The following SPINDOC variants were observed in gnomAD, a reference collection of about 807,000 sequenced individuals.
SPINDOC encodes spindlin interactor and repressor of chromatin binding.
SPINDOC carries 13 observed loss-of-function variants against 30.7 expected under a neutral mutation model. That is an observed-to-expected ratio of 0.42 (90% CI 0.28 to 0.67). The LOEUF (loss-of-function observed/expected upper bound fraction) is 0.67, where lower values mean the gene tolerates loss of function less well. Among genes scored for constraint, SPINDOC ranks in the 30% least tolerant of loss-of-function variants. The pLI is 0.22. For synonymous variants in SPINDOC, 228 were observed against 211.4 expected (o/e 1.08, Z -0.68); for missense variants, 438 against 518.0 (o/e 0.85, Z 1.50).
intron 1 of SPINDOC, among the ~76,000 whole-genome samples, chr11:63,815,109 T>C (rs1341508156): frequency 6.6e-6 from 1 of 152,208 alleles, no homozygotes; most frequent in East Asian, 1.9e-4. Context: ...TGGCAATAAA[T>C]GGTTCAGAGA....
intron 5 of SPINDOC, among the ~76,000 whole-genome samples, chr11:63,822,080 A>G (rs1322020913): frequency 2.6e-5 from 4 of 152,124 alleles, no homozygotes; most frequent in Non-Finnish European, 5.9e-5. Context: ...TGGCTCACAG[A>G]CCTGTCATTC....
At chr11:63,822,162 A>C (rs878894925) in intron 5 of SPINDOC, among the ~76,000 whole-genome samples, 2 of 152,048 alleles carry the variant, frequency 1.3e-5, no homozygotes, top group Non-Finnish European at 2.9e-5. Context: ...GAGCAACATA[A>C]GGAGACTCCA....
In SPINDOC at chr11:63,818,537, C is replaced by T. The variant is rs1011126300; in HGVS notation, c.618C>T (p.Ala206=). Residue 206 remains alanine, a synonymous_variant, in exon 4 of 6, where the codon GCC becomes GCT. Coordinates refer to ENST00000294244, the MANE Select transcript of SPINDOC (RefSeq NM_138471.3). This position sits in a 1 kb window ranked among gnomAD's most constrained non-coding sequence, Gnocchi z 5.3. ...LRPLELPAVP[A]TEPGNKKPRG... is the part of the protein sequence containing the mutation. Reference sequence around the variant, plus strand: ...CTTTTCTTTTTGCAGCTGTCCCTGCCACAGAGCCAGGAAATAAGAAGCCCC... The same window carrying T: ...CTTTTCTTTTTGCAGCTGTCCCTGCTACAGAGCCAGGAAATAAGAAGCCCC... The T allele has an allele frequency of 5.6e-6, 9 of 1,612,570 alleles. No homozygotes were observed. The highest frequency in any genetic ancestry group is 5.5e-5 in the South Asian group (5 of 91,056).
chr11:63,823,406 A>C, intron 5 of SPINDOC: 6 of 1,059,842 alleles, frequency 5.7e-6, no homozygotes, highest in Non-Finnish European at 7.2e-6. Context: ...TAACAGTTGG[A>C]AAAGGCCACC....
intron 5 of SPINDOC, chr11:63,822,523 T>C: frequency 1.1e-6 from 1 of 942,174 alleles, no homozygotes. Flanking sequence ...TGTGTTTGCG[T>C]GTGTGTGTAG....
chr11:63,816,893 C>G (rs1197593633), intron 1 of SPINDOC, among the ~76,000 whole-genome samples: 1 of 152,156 alleles, frequency 6.6e-6, no homozygotes, highest in Non-Finnish European at 1.5e-5. Context: ...TTAGAACGGG[C>G]ATGGTGGCTC....
At position 63,817,756 on chromosome 11, in the gene SPINDOC, T is replaced by G. The variant is rs148455173; in HGVS notation, c.128-49T>G. ...AGTCTGGAGACGTGCTAAGTGTTGT[T>G]GGTTGTGGGCACCTTTAGTGATAAC... is the stretch of plus-strand genomic sequence containing the variant. On this transcript the variant is annotated intron_variant, in intron 1 of 5. Transcript: ENST00000294244. 4.0e-4 allele frequency: 586 copies of G among 1,464,198 alleles called. 1 individual carries two copies. The African/African-American group carries it at 7.5e-3, about 19-fold the overall frequency. 90.7% of individuals were successfully genotyped at this position (1,464,198 alleles called of 1,614,324 possible). A position where few individuals can be genotyped will look rare whatever the true frequency, so the allele number is the denominator to read the frequency against.
At position 63,813,583 on chromosome 11, in the gene SPINDOC, C is replaced by T. The variant is rs1321217344; in HGVS notation, c.-104C>T. On this transcript the variant is annotated 5_prime_UTR_variant, in exon 1 of 6. Transcript: ENST00000294244. ...GGAGGGGGCTGCGCGGGGCGGGCGGCGGGCCCGGCGCTATTCCGGCCAGGA... is the reference window on the plus strand; with the variant it reads ...GGAGGGGGCTGCGCGGGGCGGGCGGTGGGCCCGGCGCTATTCCGGCCAGGA... The T allele has an allele frequency of 6.4e-5, 66 of 1,029,546 alleles. 1 individual carries two copies. In the African/African-American group the frequency reaches 9.1e-4, roughly 14 times the overall value. The allele number at this position is 1,029,546 out of a possible 1,614,324, so 63.8% of individuals were successfully genotyped here. A position where few individuals can be genotyped will look rare whatever the true frequency, so the allele number is the denominator to read the frequency against.
intron 5 of SPINDOC, among the ~76,000 whole-genome samples, chr11:63,820,117 G>T (rs1237282692): frequency 2.6e-5 from 4 of 152,184 alleles, no homozygotes; most frequent in Admixed American, 6.5e-5. Flanking sequence ...TACATACAAG[G>T]CAAGTCGTGG....
At chr11:63,822,356 TAAAA>T (rs753315518) in intron 5 of SPINDOC, among the ~76,000 whole-genome samples, 16 of 58,822 alleles carry the variant, frequency 2.7e-4, no homozygotes, top group African/African-American at 6.5e-4. Flanking sequence ...CTAGACTGTC[TAAAA>T]AAAAAAAAAA....
At chr11:63,814,850 A>T (rs556188582) in intron 1 of SPINDOC, among the ~76,000 whole-genome samples, 1 of 152,308 alleles carries the variant, frequency 6.6e-6, no homozygotes, top group Admixed American at 6.5e-5. Flanking sequence ...TTCATTGGGC[A>T]TTGTCAGAGG....
intron 5 of SPINDOC, among the ~76,000 whole-genome samples, chr11:63,821,010 C>G (rs1281454404): frequency 6.6e-6 from 1 of 151,994 alleles, no homozygotes; most frequent in Non-Finnish European, 1.5e-5. Context: ...TATGATCACA[C>G]CACTGCACTC....
At chr11:63,825,666 C>A (rs2015638964) in intron 5 of SPINDOC, among the ~76,000 whole-genome samples, 3 of 152,130 alleles carry the variant, frequency 2.0e-5, no homozygotes, top group African/African-American at 7.2e-5. Flanking sequence ...GTTCAGTGTT[C>A]CTTCAGGGAG....
chr11:63,817,604 C>T (rs936254730), intron 1 of SPINDOC, among the ~76,000 whole-genome samples: 11 of 152,060 alleles, frequency 7.2e-5, no homozygotes, highest in Non-Finnish European at 1.2e-4. Flanking sequence ...AGTATAGACG[C>T]GAGAGTCGTG....
intron 1 of SPINDOC, among the ~76,000 whole-genome samples, chr11:63,817,172 C>A (rs1249660666): frequency 1.3e-5 from 2 of 150,872 alleles, no homozygotes; most frequent in Non-Finnish European, 2.9e-5. Context: ...CAAAATGAGA[C>A]CCCCATCTTT....
chr11:63,823,386 A>G (rs2015580466), intron 5 of SPINDOC: 1 of 1,168,636 alleles, frequency 8.6e-7, no homozygotes, highest in Non-Finnish European at 1.1e-6. Context: ...AGGTGTAAAA[A>G]TCGTGGATTT....
chr11:63,818,113 C>T lies in SPINDOC; in HGVS notation c.436C>T (p.Gln146Ter). ...VALLQDVRAEQPSPPNSDSGQ... is the reference protein window; with the variant it reads ...VALLQDVRAE ...CCTCTTGCAAGACGTGAGAGCTGAG[C>T]AGCCGTCCCCACCCAACTCAGGTAG... Residue 146 changes from glutamine to a stop codon, truncating the protein, a stop_gained, in exon 2 of 6, where the codon CAG (glutamine) becomes TAG (stop). Coordinates refer to ENST00000294244, the MANE Select transcript of SPINDOC (RefSeq NM_138471.3). LOFTEE classifies it high-confidence loss of function. The surrounding 1 kb of genome is among the most constrained non-coding windows in gnomAD (Gnocchi z 5.3). 6.2e-7 allele frequency: 1 copy of T among 1,614,064 alleles called. No individual in the cohort carries two copies. The highest frequency in any genetic ancestry group is 8.5e-7 in the Non-Finnish European group (1 of 1,179,998).
At chr11:63,817,781 C>T (rs1177779655) in intron 1 of SPINDOC, 24 bp from the exon 2 acceptor site, 2 of 1,524,388 alleles carry the variant, frequency 1.3e-6, no homozygotes, top group South Asian at 1.3e-5. Context: ...TTAGTGATAA[C>T]ACCCTCCCCC....
rs941003439 is a variant in SPINDOC at position 63,827,242 on chromosome 11, C to G, written c.*103C>G. ...ACCCACCTGGTGGAGAGAGTAGAAA[C>G]AGGTGCCAGGGCAGGAGGGGGCTGG... On this transcript the variant is annotated 3_prime_UTR_variant, in exon 6 of 6. Coordinates refer to ENST00000294244, the MANE Select transcript of SPINDOC (RefSeq NM_138471.3). 1.8e-5 allele frequency: 28 copies of G among 1,513,702 alleles called. No individual in the cohort carries two copies. The highest frequency in any genetic ancestry group is 2.7e-5 in the African/African-American group (2 of 72,814). 93.8% of individuals were successfully genotyped at this position (1,513,702 alleles called of 1,614,324 possible). A position where few individuals can be genotyped will look rare whatever the true frequency, so the allele number is the denominator to read the frequency against.
Sources: allele counts gnomAD v4.1 joint callset (sites outside exome capture counted in the v4.1 genomes callset), GRCh38; gene constraint gnomAD v4.1.1; non-coding constraint Gnocchi (gnomAD v3.1); transcripts MANE v1.5; gene names NCBI Gene and HGNC (gene_info 2026-07-23, HGNC 2026-07-21).